The following CFAP299 variants were observed in gnomAD, a reference collection of about 807,000 sequenced individuals.
CFAP299 encodes cilia- and flagella-associated protein 299.
In CFAP299, 21 loss-of-function variants were observed where a neutral mutation model predicts 27.0. The ratio of observed to expected loss-of-function variants is 0.78; its 90% CI spans 0.55 to 1.12. The LOEUF (loss-of-function observed/expected upper bound fraction) is 1.12, where lower values mean the gene tolerates loss of function less well. Ranked by LOEUF, CFAP299 falls within the 50% of genes most tolerant of loss-of-function variation. The pLI is 0.00. For synonymous variants in CFAP299, 104 were observed against 98.1 expected (o/e 1.06, Z -0.36); for missense variants, 310 against 276.6 (o/e 1.12, Z -0.86).
intron 3 of CFAP299, among the ~76,000 whole-genome samples, chr4:80,859,311 T>C (rs1191431293): frequency 1.3e-5 from 2 of 152,182 alleles, no homozygotes; most frequent in South Asian, 2.1e-4. Context: ...TGTCTCTGCA[T>C]GTGAGATGGG....
chr4:80,542,341 A>G (rs1279818264), intron 2 of CFAP299, among the ~76,000 whole-genome samples: 1 of 152,180 alleles, frequency 6.6e-6, no homozygotes, highest in Non-Finnish European at 1.5e-5. Context: ...TGGCCATTTA[A>G]TGCAGCCAGG....
At chr4:80,644,610 C>T (rs903219184) in intron 3 of CFAP299, among the ~76,000 whole-genome samples, 21 of 152,076 alleles carry the variant, frequency 1.4e-4, no homozygotes, top group Non-Finnish European at 2.9e-4. Context: ...ATTAGTAATT[C>T]GGGTGGAAAC....
intron 4 of CFAP299, among the ~76,000 whole-genome samples, chr4:80,897,795 A>G (rs1734679540): frequency 6.6e-6 from 1 of 152,194 alleles, no homozygotes; most frequent in South Asian, 2.1e-4. Flanking sequence ...CTTTCCCCAC[A>G]TAACTTAGTT....
chr4:80,438,885 A>G (rs1394674079), intron 2 of CFAP299, among the ~76,000 whole-genome samples: 1 of 152,222 alleles, frequency 6.6e-6, no homozygotes, highest in Non-Finnish European at 1.5e-5. Context: ...CGATATTTAC[A>G]GCACAATAGT....
chr4:80,359,470 T>A (rs531908655), intron 1 of CFAP299, among the ~76,000 whole-genome samples: 187 of 152,294 alleles, frequency 1.2e-3, no homozygotes, highest in African/African-American at 4.3e-3. Context: ...GTCCATAGAT[T>A]CCATCTCTTT....
rs1044672791 is a variant in CFAP299, at chr4:80,739,495, AAT to A, written c.334-130495_334-130494del. ...TTTGTTTGTTTCGTTCATCATTTTA[AAT>A]ATGTCATGCCACTTTCTCTTGGCCT... On this transcript the variant is annotated intron_variant, in intron 3 of 5. Transcript: ENST00000358105. Among the ~76,000 whole-genome samples, 39 of 152,190 alleles carry A rather than the reference AAT, an allele frequency of 2.6e-4. 1 individual carries two copies. Among genetic ancestry groups the A allele is most frequent in the Admixed American group, 1.8e-3 (28 of 15,290 alleles).
At chr4:80,788,530 C>T (rs1727372257) in intron 3 of CFAP299, among the ~76,000 whole-genome samples, 1 of 151,804 alleles carries the variant, frequency 6.6e-6, no homozygotes, top group Admixed American at 6.6e-5. Context: ...TGTGTATAGA[C>T]ATATATGTGT....
intron 4 of CFAP299, among the ~76,000 whole-genome samples, chr4:80,923,136 G>T (rs1736130063): frequency 6.6e-6 from 1 of 152,002 alleles, no homozygotes; most frequent in South Asian, 2.1e-4. Flanking sequence ...CTTCATGGTT[G>T]TTACGGGCTT....
At chr4:80,534,808 G>C (rs1285262819) in intron 2 of CFAP299, among the ~76,000 whole-genome samples, 1 of 152,082 alleles carries the variant, frequency 6.6e-6, no homozygotes, top group African/African-American at 2.4e-5. Context: ...AATGGCATCA[G>C]CCAATTTACA....
At chr4:80,604,506 A>C (rs1193152994) in intron 3 of CFAP299, among the ~76,000 whole-genome samples, 2 of 152,198 alleles carry the variant, frequency 1.3e-5, no homozygotes, top group African/African-American at 4.8e-5. Flanking sequence ...CTCAAGAGGT[A>C]TCTTCACCTA....
At chr4:80,410,693 A>G (rs996823964) in intron 2 of CFAP299, among the ~76,000 whole-genome samples, 7 of 152,220 alleles carry the variant, frequency 4.6e-5, no homozygotes, top group African/African-American at 1.4e-4. Flanking sequence ...TGTTATATTG[A>G]AGATGAAGCA....
rs181653116 is a variant in CFAP299, at chr4:80,388,598, G to A, written c.242+25714G>A. 5.4e-3 allele frequency: 7,643 copies of A among 1,403,934 alleles called. 43 individuals are homozygous for A. The highest frequency in any genetic ancestry group is 0.024 in the Middle Eastern group (133 of 5,478). The allele number at this position is 1,403,934 out of a possible 1,614,324, so 87.0% of individuals were successfully genotyped here. On this transcript the variant is annotated intron_variant, in intron 2 of 5. Coordinates refer to ENST00000358105, the MANE Select transcript of CFAP299 (RefSeq NM_152770.3). ...ATCCAATGGCTGGATAGCAGGGGAC[G>A]CATTGACACTCTGGCCTCTGGGATC...
Position 80,478,871 on chromosome 4 carries a change from T to A in CFAP299, c.243-104222T>A, listed in dbSNP as rs976529342. On this transcript the variant is annotated intron_variant, in intron 2 of 5. Coordinates refer to ENST00000358105, the MANE Select transcript of CFAP299 (RefSeq NM_152770.3). Reference sequence around the variant, plus strand: ...TTCGCATACATTTTAAATAATTTTATCTTAACAAAGGAATGTGAAGCAATC... The same window carrying A: ...TTCGCATACATTTTAAATAATTTTAACTTAACAAAGGAATGTGAAGCAATC... Among the ~76,000 whole-genome samples, 16 of 152,066 alleles carry A rather than the reference T, an allele frequency of 1.1e-4. 1 individual carries two copies. The South Asian group carries it at 2.5e-3, about 24-fold the overall frequency.
chr4:80,321,717 A>G, the CFAP299 span, among the ~76,000 whole-genome samples: 1 of 152,172 alleles, frequency 6.6e-6, no homozygotes, highest in African/African-American at 2.4e-5. Context: ...ACAAAATCCC[A>G]TGAGTGCAGA....
chr4:80,960,514 G>T (rs920199279), intron 5 of CFAP299, among the ~76,000 whole-genome samples: 1 of 151,794 alleles, frequency 6.6e-6, no homozygotes, highest in African/African-American at 2.4e-5. Flanking sequence ...TCTCAAGATT[G>T]TACAGAGGTT....
intron 2 of CFAP299, among the ~76,000 whole-genome samples, chr4:80,445,030 G>A (rs1004189964): frequency 6.6e-6 from 1 of 152,192 alleles, no homozygotes; most frequent in East Asian, 1.9e-4. Context: ...AACAATAGAT[G>A]TTGGAGAGGA....
At chr4:80,697,327 T>C (rs1434358019) in intron 3 of CFAP299, among the ~76,000 whole-genome samples, 1 of 132,784 alleles carries the variant, frequency 7.5e-6, no homozygotes, top group Non-Finnish European at 1.5e-5. Flanking sequence ...TTTTATAGGT[T>C]TAAACCTATT....
At chr4:80,495,127 G>A (rs1009212142) in intron 2 of CFAP299, among the ~76,000 whole-genome samples, 5 of 152,152 alleles carry the variant, frequency 3.3e-5, no homozygotes, top group Non-Finnish European at 7.3e-5. Flanking sequence ...TATATAGACA[G>A]GCTAAATTTT....
At chr4:80,761,327 T>C (rs946234602) in intron 3 of CFAP299, among the ~76,000 whole-genome samples, 1 of 152,112 alleles carries the variant, frequency 6.6e-6, no homozygotes, top group African/African-American at 2.4e-5. Context: ...GTGGTCACTA[T>C]TGTGGTATTT....
Sources: allele counts gnomAD v4.1 joint callset (sites outside exome capture counted in the v4.1 genomes callset), GRCh38; gene constraint gnomAD v4.1.1; transcripts MANE v1.5; gene names NCBI Gene and HGNC (gene_info 2026-07-23, HGNC 2026-07-21).